Variants in GID4 observed in about 807,000 individuals in gnomAD.
The protein encoded by GID4 is GID complex subunit 4 homolog.
In GID4, 7 loss-of-function variants were observed where a neutral mutation model predicts 32.4. The ratio of observed to expected loss-of-function variants is 0.22; its 90% confidence interval spans 0.12 to 0.41. The LOEUF (loss-of-function observed/expected upper bound fraction) is 0.41. Ranked by LOEUF, GID4 falls within the 10% of genes least tolerant of loss-of-function variation. The pLI, the probability that GID4 is intolerant of heterozygous loss-of-function variation, is 1.00. For missense variants in GID4, 309 were observed against 400.0 expected, an observed-to-expected ratio of 0.77 and a Z score of 1.94; for synonymous variants, 166 against 170.0, an observed-to-expected ratio of 0.98 and a Z score of 0.18.
intron 2 of GID4, among the ~76,000 whole-genome samples, chr17:18,045,814 G>A (rs1417662175): frequency 1.3e-5 from 2 of 149,454 alleles, no homozygotes; most frequent in Non-Finnish European, 3.0e-5. Flanking sequence ...AGAATCACTT[G>A]AACCAGAGAG....
At chr17:18,049,065 G>A (rs1020479987) in intron 2 of GID4, among the ~76,000 whole-genome samples, 8 of 151,994 alleles carry the variant, frequency 5.3e-5, no homozygotes, top group Admixed American at 2.0e-4. Flanking sequence ...GCCAGGCACA[G>A]TGGCTCATGC....
intron 5 of GID4, among the ~76,000 whole-genome samples, chr17:18,063,950 C>T (rs979332453): frequency 1.2e-4 from 19 of 152,176 alleles, no homozygotes; most frequent in Admixed American, 1.2e-3. Flanking sequence ...GCCATGTTGG[C>T]CAGGCCTGTC....
intron 1 of GID4, among the ~76,000 whole-genome samples, chr17:18,042,765 G>A (rs1180322602): frequency 6.6e-6 from 1 of 152,174 alleles, no homozygotes; most frequent in Non-Finnish European, 1.5e-5. Flanking sequence ...CCAGCAGTGG[G>A]TGAGGGTTCC....
At chr17:18,063,159 C>T (rs58280055) in intron 5 of GID4, among the ~76,000 whole-genome samples, 2,366 of 151,210 alleles carry the variant, frequency 0.016, 69 homozygotes, top group African/African-American at 0.054. Flanking sequence ...CGCCTGTAAT[C>T]CCAGCACTTT....
chr17:18,039,951 C>A lies in GID4; in HGVS notation c.438+49C>A. 2 of 1,302,954 alleles carry A rather than the reference C, an allele frequency of 1.5e-6. No individual in the cohort carries two copies. The highest frequency in any genetic ancestry group is 2.0e-6 in the Non-Finnish European group (2 of 1,022,282). 80.7% of individuals were successfully genotyped at this position (1,302,954 alleles called of 1,614,324 possible). A position where few individuals can be genotyped will look rare whatever the true frequency, so the allele number is the denominator to read the frequency against. ...CCCGAGGGCCTCCTCGCGGCGCTCA[C>A]GGGCCGTGCCCGCTTCGGCTCCTCG... On this transcript the variant is annotated intron_variant, in intron 1 of 5. Transcript: ENST00000268719. The surrounding 1 kb of genome is among the most constrained non-coding windows in gnomAD (Gnocchi z 5.3).
At position 18,065,169 on chromosome 17, in the gene GID4, C is replaced by T; in HGVS notation, c.840-11C>T. On this transcript the variant is annotated splice_polypyrimidine_tract_variant and intron_variant, in intron 5 of 5. Coordinates refer to ENST00000268719, the MANE Select transcript of GID4 (RefSeq NM_024052.5). The stretch of plus-strand genomic sequence containing the variant: ...TGACTACCTCCCGTTTCTGTCTCCT[C>T]CCCCTTGCAGGTATCAGTCCCTCAA... 1.2e-6 allele frequency: 2 copies of T among 1,610,598 alleles called. No homozygotes were observed. Among genetic ancestry groups the T allele is most frequent in the Non-Finnish European group, 1.7e-6 (2 of 1,176,792 alleles).
intron 4 of GID4, among the ~76,000 whole-genome samples, chr17:18,060,103 A>G (rs571238515): frequency 2.7e-4 from 40 of 147,752 alleles, no homozygotes; most frequent in South Asian, 8.7e-4. Flanking sequence ...AAAAAAAAAA[A>G]AAAGAAATGG....
chr17:18,065,062 G>A, intron 5 of GID4, 118 bp from the exon 6 acceptor site: 1 of 725,794 alleles, frequency 1.4e-6, no homozygotes, highest in Non-Finnish European at 2.5e-6. Context: ...AAATGAATGT[G>A]CATTTCAGTC....
intron 2 of GID4, among the ~76,000 whole-genome samples, chr17:18,048,400 G>C (rs2044876360): frequency 6.6e-6 from 1 of 152,058 alleles, no homozygotes; most frequent in Non-Finnish European, 1.5e-5. Context: ...CGCCATGTTG[G>C]CCAGACTGGT....
At chr17:18,047,827 C>A (rs2145555264) in intron 2 of GID4, among the ~76,000 whole-genome samples, 1 of 152,212 alleles carries the variant, frequency 6.6e-6, no homozygotes, top group Non-Finnish European at 1.5e-5. Context: ...AATTCACATA[C>A]CATACATTTC....
At chr17:18,049,554 T>C (rs4925135) in intron 2 of GID4, among the ~76,000 whole-genome samples, 90,216 of 151,836 alleles carry the variant, frequency 0.59, 27,947 homozygotes, top group Non-Finnish European at 0.68. Context: ...CACCCAGGTA[T>C]TAAGCCTAGT....
intron 3 of GID4, chr17:18,056,567 A>G: frequency 8.9e-6 from 7 of 785,686 alleles, no homozygotes; most frequent in Non-Finnish European, 1.2e-5. Context: ...CTCCCATTCA[A>G]CTCTATTTTC....
chr17:18,046,256 A>C (rs1354037865), intron 2 of GID4, among the ~76,000 whole-genome samples: 1 of 152,196 alleles, frequency 6.6e-6, no homozygotes, highest in East Asian at 1.9e-4. Context: ...CCCTTCCTGC[A>C]TCTGTGACCT....
chr17:18,062,059 A>C, intron 5 of GID4, 84 bp downstream of exon 5: 1 of 1,278,560 alleles, frequency 7.8e-7, no homozygotes, highest in Non-Finnish European at 1.1e-6. Context: ...CAAAAGCAAC[A>C]TCTTAGCCTG....
intron 2 of GID4, 96 bp downstream of exon 2, chr17:18,045,302 C>A (rs1360274066): frequency 3.4e-6 from 3 of 871,354 alleles, no homozygotes; most frequent in Admixed American, 2.1e-5. Context: ...CTCCTTGAGG[C>A]CTAATTAAAG....
chr17:18,044,890 C>A (rs970333623), intron 1 of GID4, among the ~76,000 whole-genome samples: 3 of 152,086 alleles, frequency 2.0e-5, no homozygotes, highest in Admixed American at 6.6e-5. Context: ...GAGTGGGCAC[C>A]CCATTTCAGA....
intron 2 of GID4, among the ~76,000 whole-genome samples, chr17:18,052,540 T>C (rs1457191914): frequency 6.6e-6 from 1 of 152,198 alleles, no homozygotes; most frequent in Non-Finnish European, 1.5e-5. Context: ...CTGTAATCTG[T>C]GGTTTTCCAG....
intron 4 of GID4, among the ~76,000 whole-genome samples, chr17:18,060,890 T>C (rs1799508243): frequency 6.6e-6 from 1 of 152,050 alleles, no homozygotes; most frequent in South Asian, 2.1e-4. Context: ...CCCGCCAACA[T>C]GCCCTGCTAA....
chr17:18,064,679 G>A (rs529854802), intron 5 of GID4, among the ~76,000 whole-genome samples: 14 of 152,280 alleles, frequency 9.2e-5, no homozygotes, highest in Non-Finnish European at 1.5e-4. Context: ...CCGTACCTAG[G>A]AAAGTGAGAA....
Sources: allele counts gnomAD v4.1 joint callset (sites outside exome capture counted in the v4.1 genomes callset), GRCh38; gene constraint gnomAD v4.1.1; non-coding constraint Gnocchi (gnomAD v3.1); transcripts MANE v1.5; gene names NCBI Gene and HGNC (gene_info 2026-07-23, HGNC 2026-07-21).